RACGAP1: variants seen among roughly 807,000 people sequenced by gnomAD.
RACGAP1 encodes Rac GTPase activating protein 1, also known as rac GTPase-activating protein 1.
Under a neutral mutation model 78.1 loss-of-function variants are expected in RACGAP1, and 30 were observed. The observed-to-expected ratio is 0.38, with a 90% confidence interval of 0.29 to 0.52. The LOEUF is 0.52. RACGAP1 is among the 20% of genes least tolerant of loss of function. RACGAP1 has a pLI of 0.82. For missense variants in RACGAP1, 587 were observed against 777.1 expected (o/e 0.76, Z 2.91); for synonymous variants, 231 against 264.8 (o/e 0.87, Z 1.24).
intron 1 of RACGAP1, among the ~76,000 whole-genome samples, chr12:50,022,061 AT>A (rs1161283253): frequency 1.3e-5 from 2 of 152,154 alleles, no homozygotes; most frequent in African/African-American, 4.8e-5. Flanking sequence ...TTGAATTGTG[AT>A]TTTTCAGAAA....
chr12:50,025,357 C>A, intron 1 of RACGAP1, 41 bp downstream of exon 1: 1 of 985,738 alleles, frequency 1.0e-6, no homozygotes, highest in Non-Finnish European at 1.2e-6. Flanking sequence ...CTATCACAAT[C>A]CAGCGGCAGA....
upstream of RACGAP1, among the ~76,000 whole-genome samples, chr12:50,027,122 T>C (rs544314947): frequency 6.6e-6 from 1 of 152,334 alleles, no homozygotes; most frequent in South Asian, 2.1e-4. Flanking sequence ...AGACACAGTG[T>C]GGTACACTAT....
At chr12:50,003,213 C>G (rs1463154662) in intron 5 of RACGAP1, among the ~76,000 whole-genome samples, 1 of 152,076 alleles carries the variant, frequency 6.6e-6, no homozygotes, top group Non-Finnish European at 1.5e-5. Flanking sequence ...TATCTAGAAA[C>G]AGTGGTATAC....
intron 1 of RACGAP1, chr12:50,021,190 G>C: frequency 1.1e-6 from 1 of 909,240 alleles, no homozygotes; most frequent in Non-Finnish European, 1.3e-6. Flanking sequence ...AATGTGAAAG[G>C]AAACAAAAAC....
chr12:50,031,551 A>G (rs1424738505), intron 2 of RACGAP1: 1 of 277,478 alleles, frequency 3.6e-6, no homozygotes, highest in Admixed American at 6.6e-5. Flanking sequence ...TCGCCCTTCT[A>G]GCTGCACTGC....
At chr12:49,996,995 C>T (rs371831384) in intron 10 of RACGAP1, 45 bp downstream of exon 10, 202 of 1,427,292 alleles carry the variant, frequency 1.4e-4, no homozygotes, top group Non-Finnish European at 1.6e-4. Context: ...CTTTGAAAGG[C>T]GAATAAAGAG....
At chr12:49,996,655 A>AAAAAAAAAAAAAAAAAAAG (rs1948297602) in intron 10 of RACGAP1, among the ~76,000 whole-genome samples, 1 of 143,540 alleles carries the variant, frequency 7.0e-6, no homozygotes, top group Non-Finnish European at 1.5e-5. Context: ...AAAAAAAAAA[A>AAAAAAAAAAAAAAAAAAAG]AAAAAAAAAA....
In RACGAP1 at chr12:49,990,311, A is replaced by G; in HGVS notation, c.1856T>C (p.Leu619Pro). Residue 619 changes from leucine to proline, a missense_variant, in exon 17 of 17, where the codon CTA becomes CCA. By Grantham distance (98) the Leu-to-Pro change is moderately conservative (BLOSUM62 -3). Transcript: ENST00000312377. ...AGCAAAAAAGTTGCCTTGTCGTCCT[A>G]GGTTAGTGGCAGACTTGCTTTTGCT... ...FGSKSKSATNLGRQGNFFASP... is the reference protein window; with the variant it reads ...FGSKSKSATNPGRQGNFFASP... 6.2e-7 allele frequency: 1 copy of G among 1,613,958 alleles called. No individual in the cohort carries two copies. Among genetic ancestry groups the G allele is most frequent in the Non-Finnish European group, 8.5e-7 (1 of 1,179,824 alleles).
chr12:50,027,451 A>G (rs1950289300), upstream of RACGAP1, among the ~76,000 whole-genome samples: 1 of 152,190 alleles, frequency 6.6e-6, no homozygotes, highest in Admixed American at 6.5e-5. Context: ...GTGAATAGGA[A>G]TTTACAGGAG....
intron 1 of RACGAP1, among the ~76,000 whole-genome samples, chr12:50,021,733 A>G (rs962927189): frequency 6.6e-6 from 1 of 152,152 alleles, no homozygotes; most frequent in South Asian, 2.1e-4. Context: ...TTAATGAAAA[A>G]CTTTCCCACA....
upstream of RACGAP1, among the ~76,000 whole-genome samples, chr12:50,029,285 C>T (rs1950309422): frequency 6.6e-6 from 1 of 150,692 alleles, no homozygotes; most frequent in Admixed American, 6.6e-5. Context: ...ACTCAGGAGG[C>T]TGAGGCAGAA....
chr12:50,001,331 A>C, intron 6 of RACGAP1, 79 bp from the exon 7 acceptor site: 1 of 1,151,252 alleles, frequency 8.7e-7, no homozygotes, highest in Non-Finnish European at 1.3e-6. Flanking sequence ...CCATCAAACA[A>C]CTTGGATACA....
chr12:50,026,240 T>C (rs537261339), upstream of RACGAP1, among the ~76,000 whole-genome samples: 5 of 152,044 alleles, frequency 3.3e-5, no homozygotes, highest in Admixed American at 1.3e-4. Context: ...CAGAACTCAC[T>C]ACTCAACAAC....
intron 2 of RACGAP1, among the ~76,000 whole-genome samples, chr12:50,015,675 G>A (rs577200329): frequency 2.0e-5 from 3 of 151,844 alleles, no homozygotes; most frequent in South Asian, 2.1e-4. Flanking sequence ...GGTGGCGGGC[G>A]CCTGTAGTCC....
Position 49,997,223 on chromosome 12 carries a change from G to A in RACGAP1, c.880-19C>T. ...TAATAACCTGGGATAAAACAGGGCA[G>A]AAGGAACAGAGTGATATGAATTAGA... is the stretch of plus-strand genomic sequence containing the variant. On this transcript the variant is annotated intron_variant, in intron 9 of 16. Transcript: ENST00000312377. 2 of 1,517,012 alleles carry A rather than the reference G, an allele frequency of 1.3e-6. No individual in the cohort carries two copies. Among genetic ancestry groups the A allele is most frequent in the Non-Finnish European group, 1.8e-6 (2 of 1,120,626 alleles). 94.0% of individuals were successfully genotyped at this position (1,517,012 alleles called of 1,614,324 possible). A position where few individuals can be genotyped will look rare whatever the true frequency, so the allele number is the denominator to read the frequency against.
intron 2 of RACGAP1, chr12:50,031,671 T>G: frequency 1.0e-6 from 1 of 985,106 alleles, no homozygotes. Flanking sequence ...TTCCAGTGCC[T>G]CTTCACCAGG....
chr12:50,010,671 G>A lies in RACGAP1; in HGVS notation c.86-4035C>T, dbSNP rs184881682. On this transcript the variant is annotated intron_variant, in intron 2 of 16. Transcript: ENST00000312377. ...ATACAGGCCAGACACCGTGGCTCACGCTTGTAATCCCAGCACTTTGGGAGG... is the reference window on the plus strand; with the variant it reads ...ATACAGGCCAGACACCGTGGCTCACACTTGTAATCCCAGCACTTTGGGAGG... Among the ~76,000 whole-genome samples the A allele has an allele frequency of 2.6e-4, 40 of 151,750 alleles. No homozygotes were observed. The East Asian group carries it at 7.2e-3, about 27-fold the overall frequency.
chr12:49,991,962 A>T, intron 15 of RACGAP1, 36 bp downstream of exon 15: 1 of 1,608,930 alleles, frequency 6.2e-7, no homozygotes, highest in Non-Finnish European at 8.5e-7. Context: ...CTAAAGAGAG[A>T]GTCAAGTCCC....
At position 49,997,056 on chromosome 12, in the gene RACGAP1, G is replaced by T. The variant is rs1469888273; in HGVS notation, c.1028C>A (p.Pro343His). 6.4e-7 allele frequency: 1 copy of T among 1,552,736 alleles called. No homozygotes were observed. Residue 343 changes from proline (P) to histidine (H), a missense_variant, in exon 10 of 17, where the codon CCT (proline) becomes CAT (histidine). By Grantham distance (77) the Pro-to-His change is moderately conservative. Coordinates refer to ENST00000312377, the MANE Select transcript of RACGAP1 (RefSeq NM_001319999.2). ...AAGTCATACCTCTCCAATCTTGACA[G>T]GTGTTCCTATCAGGGTAGGAATGCA... ...LPCIPTLIGTPVKIGEGMLAD... is the reference protein window; with the variant it reads ...LPCIPTLIGTHVKIGEGMLAD...
Sources: allele counts gnomAD v4.1 joint callset (sites outside exome capture counted in the v4.1 genomes callset), GRCh38; gene constraint gnomAD v4.1.1; transcripts MANE v1.5; gene names NCBI Gene and HGNC (gene_info 2026-07-23, HGNC 2026-07-21).